Variants in SMG6 observed in about 807,000 individuals in gnomAD.
SMG6 encodes SMG6 nonsense mediated mRNA decay factor, also known as telomerase-binding protein EST1A.
In SMG6, 66 loss-of-function variants were observed where a neutral mutation model predicts 142.2. That is an observed-to-expected ratio of 0.46 (90% confidence interval 0.38 to 0.57). The LOEUF (loss-of-function observed/expected upper bound fraction) is 0.57, where lower values mean the gene tolerates loss of function less well. Among genes scored for constraint, SMG6 ranks in the 20% least tolerant of loss-of-function variants. SMG6 has a pLI of 0.00. For synonymous variants in SMG6, 779 were observed against 702.4 expected (o/e 1.11, Z -1.72); for missense variants, 1,793 against 1,832.0 (o/e 0.98, Z 0.39).
intron 8 of SMG6, among the ~76,000 whole-genome samples, chr17:2,253,488 T>C (rs565004257): frequency 6.6e-6 from 1 of 152,230 alleles, no homozygotes; most frequent in South Asian, 2.1e-4. Context: ...ACAACGCTGG[T>C]GTCTCAAAAG....
intron 13 of SMG6, chr17:2,127,638 A>T: frequency 1.8e-6 from 1 of 571,126 alleles, no homozygotes; most frequent in Non-Finnish European, 3.5e-6. Context: ...GCTTCCTTTC[A>T]TTCAACGAAT....
intron 13 of SMG6, among the ~76,000 whole-genome samples, chr17:2,171,083 T>C (rs1274307767): frequency 6.6e-6 from 1 of 152,042 alleles, no homozygotes; most frequent in Non-Finnish European, 1.5e-5. Flanking sequence ...GAGACCAGCC[T>C]GGCAACATGG....
intron 6 of SMG6, among the ~76,000 whole-genome samples, chr17:2,288,313 C>CA (rs1456042783): frequency 2.1e-5 from 3 of 142,512 alleles, no homozygotes; most frequent in African/African-American, 7.9e-5. Context: ...GACTCCATCA[C>CA]AAAAAAAAGA....
chr17:2,236,946 G>A, intron 9 of SMG6: 1 of 655,850 alleles, frequency 1.5e-6, no homozygotes, highest in Non-Finnish European at 2.0e-6. Flanking sequence ...CTGTGTTCAA[G>A]CTAATATCAA....
rs569279228 is a variant in SMG6, at chr17:2,277,614, T to C, written c.2661+5033A>G. Among the ~76,000 whole-genome samples, 15 of 152,364 alleles carry C rather than the reference T, an allele frequency of 9.8e-5. No individual in the cohort carries two copies. In the South Asian group the frequency reaches 2.9e-3, roughly 29 times the overall value. ...CTGCATAAGCCCTGTGTGGTTTTTA[T>C]TGCATGATTTTGCACAGCACAGCAA... On this transcript the variant is annotated intron_variant, in intron 8 of 18. Coordinates refer to ENST00000263073, the MANE Select transcript of SMG6 (RefSeq NM_017575.5).
rs568581380 is a variant in SMG6, at chr17:2,175,043, C to T, written c.3156-2184G>A. ...CGGATGTGATAGGGCTGCTCAGGGC[C>T]GCCTCCGAGGTTAGTGCTGCCCATG... On this transcript the variant is annotated intron_variant, in intron 12 of 18. Transcript: ENST00000263073. 3.3e-5 allele frequency among the ~76,000 whole-genome samples: 5 copies of T among 152,246 alleles called. No homozygotes were observed. In the East Asian group the frequency reaches 9.7e-4, roughly 29 times the overall value.
intron 9 of SMG6, among the ~76,000 whole-genome samples, chr17:2,239,409 G>A (rs1035106262): frequency 2.6e-5 from 4 of 152,106 alleles, no homozygotes; most frequent in African/African-American, 4.8e-5. Context: ...ATTTATAATC[G>A]CCAAAAATTG....
intron 13 of SMG6, among the ~76,000 whole-genome samples, chr17:2,114,954 A>AATT (rs5818847): frequency 1.2e-5 from 1 of 85,018 alleles, no homozygotes; most frequent in Non-Finnish European, 2.2e-5. Context: ...AATAAAATAA[A>AATT]AAAATGAAAT....
chr17:2,158,425 C>G (rs1327811257), intron 13 of SMG6, among the ~76,000 whole-genome samples: 2 of 152,050 alleles, frequency 1.3e-5, no homozygotes, highest in Non-Finnish European at 2.9e-5. Flanking sequence ...CTGGTTATTT[C>G]TGAGTTTACT....
rs765432249 is a variant in SMG6, at chr17:2,297,959, G to C, written c.1944C>G (p.Phe648Leu). 6.2e-7 allele frequency: 1 copy of C among 1,613,434 alleles called. No individual in the cohort carries two copies. The highest frequency in any genetic ancestry group is 1.1e-5 in the South Asian group (1 of 91,074). ...NVDQILWKNA[F>L]YQVIEKFRQL... Reference sequence around the variant, plus strand: ...GCCTGAACTTCTCAATCACCTGATAGAAAGCATTCTTCCACAGGATCTGAT... The same window carrying C: ...GCCTGAACTTCTCAATCACCTGATACAAAGCATTCTTCCACAGGATCTGAT... The change falls in exon 3 of 19, where the codon TTC becomes TTG. Residue 648 changes from phenylalanine to leucine, a missense_variant. By Grantham distance (22) the Phe-to-Leu change is conservative. Transcript: ENST00000263073.
intron 8 of SMG6, among the ~76,000 whole-genome samples, chr17:2,265,724 G>C (rs1288132782): frequency 6.6e-6 from 1 of 152,152 alleles, no homozygotes; most frequent in Non-Finnish European, 1.5e-5. Flanking sequence ...CCTGACATAA[G>C]AATGTAAAAA....
Position 2,081,767 on chromosome 17 carries a change from G to A in SMG6, c.3681+43C>T, listed in dbSNP as rs376432198. 1.9e-4 allele frequency: 302 copies of A among 1,607,408 alleles called. 2 individuals carry two copies. The Middle Eastern group carries it at 3.2e-3, about 17-fold the overall frequency. ...CCCACATCCTCTCATGCCCTAGACA[G>A]CAACCCCCATAGTGGGAACCACGCT... On this transcript the variant is annotated intron_variant, in intron 15 of 18. Transcript: ENST00000263073.
chr17:2,108,800 C>T (rs11653927), intron 13 of SMG6, among the ~76,000 whole-genome samples: 43,011 of 151,892 alleles, frequency 0.28, 7,872 homozygotes, highest in Non-Finnish European at 0.39. Flanking sequence ...AAAAATTAGT[C>T]GCGCATGGTG....
At chr17:2,108,442 C>A (rs913477857) in intron 13 of SMG6, among the ~76,000 whole-genome samples, 1 of 151,912 alleles carries the variant, frequency 6.6e-6, no homozygotes, top group Non-Finnish European at 1.5e-5. Context: ...CATAGTGAAA[C>A]CCTGTCTCTA....
At position 2,299,600 on chromosome 17, in the gene SMG6, C is replaced by G. The variant is rs1384475182; in HGVS notation, c.1153G>C (p.Gly385Arg). The G allele has an allele frequency of 6.2e-7, 1 of 1,614,208 alleles. No homozygotes were observed. The highest frequency in any genetic ancestry group is 8.5e-7 in the Non-Finnish European group (1 of 1,180,030). Reference sequence around the variant, plus strand: ...TCCTGCTTCTCAGAGCCTTTGCCCCCACTGCTCAAGCCTTTGTCAGGCTTT... The same window carrying G: ...TCCTGCTTCTCAGAGCCTTTGCCCCGACTGCTCAAGCCTTTGTCAGGCTTT... ...RGKPDKGLSS[G>R]GKGSEKQESK... The change falls in exon 2 of 19, where the codon GGG (glycine) becomes CGG (arginine). Residue 385 changes from glycine (G) to arginine (R), a missense_variant. By Grantham distance (125) the Gly-to-Arg change is moderately radical. Transcript: ENST00000263073. This position sits in a 1 kb window ranked among gnomAD's most constrained non-coding sequence, Gnocchi z 4.3.
At chr17:2,151,778 TC>T in intron 13 of SMG6, among the ~76,000 whole-genome samples, 1 of 152,288 alleles carries the variant, frequency 6.6e-6, no homozygotes, top group South Asian at 2.1e-4. Context: ...TGGAAAGAAT[TC>T]CACACAACAT....
At chr17:2,286,049 AG>A (rs1048931314) in intron 6 of SMG6, among the ~76,000 whole-genome samples, 3 of 152,226 alleles carry the variant, frequency 2.0e-5, no homozygotes, top group African/African-American at 7.2e-5. Context: ...AGCATCAAAA[AG>A]AATGACATAC....
chr17:2,067,225 T>C (rs2067977773), intron 16 of SMG6, among the ~76,000 whole-genome samples: 1 of 152,134 alleles, frequency 6.6e-6, no homozygotes, highest in African/African-American at 2.4e-5. Context: ...GAATCCGGAT[T>C]TCCTTACTAA....
rs576490467 is a variant in SMG6, at chr17:2,181,932, A to G, written c.3155+4731T>C. Among the ~76,000 whole-genome samples, 19 of 152,334 alleles carry G rather than the reference A, an allele frequency of 1.2e-4. 1 individual carries two copies. The South Asian group carries it at 3.7e-3, about 30-fold the overall frequency. On this transcript the variant is annotated intron_variant, in intron 12 of 18. Coordinates refer to ENST00000263073, the MANE Select transcript of SMG6 (RefSeq NM_017575.5). ...GGAGTGAGAGAGGGAGGAGGGATGA[A>G]GGGAGACATGCTGCGTGAGAGAGCT... is the stretch of plus-strand genomic sequence containing the variant.
Sources: gnomAD v4.1 joint callset for allele counts (sites outside exome capture counted in the v4.1 genomes callset) on GRCh38, gnomAD v4.1.1 for gene constraint, Gnocchi (gnomAD v3.1) non-coding constraint, MANE v1.5 for transcripts, NCBI Gene and HGNC (gene_info 2026-07-23, HGNC 2026-07-21) for gene names.